PTPN2: variants seen among roughly 807,000 people sequenced by gnomAD.
PTPN2 encodes tyrosine-protein phosphatase non-receptor type 2.
In PTPN2, 19 loss-of-function variants were observed where a neutral mutation model predicts 57.3. The ratio of observed to expected loss-of-function variants is 0.33; its 90% CI spans 0.23 to 0.49. The LOEUF is 0.49. Among genes scored for constraint, PTPN2 ranks in the 20% least tolerant of loss-of-function variants. The pLI, the probability that PTPN2 is intolerant of heterozygous loss-of-function variation, is 0.99. For missense variants in PTPN2, 358 were observed against 501.1 expected, an observed-to-expected ratio of 0.71 and a Z score of 2.73; for synonymous variants, 153 against 164.9, an observed-to-expected ratio of 0.93 and a Z score of 0.55.
chr18:12,867,820 T>C (rs1423410991), intron 1 of PTPN2, among the ~76,000 whole-genome samples: 2 of 151,702 alleles, frequency 1.3e-5, no homozygotes, highest in Admixed American at 6.5e-5. Flanking sequence ...GTGTTATAAC[T>C]TTAAAAACTC....
intron 2 of PTPN2, chr18:12,840,763 G>GC: frequency 1.9e-6 from 3 of 1,598,460 alleles, no homozygotes; most frequent in Non-Finnish European, 2.5e-6. Context: ...TCCAGTTGGT[G>GC]CCTTTACCAT....
At chr18:12,840,210 T>C (rs573998547) in intron 2 of PTPN2, among the ~76,000 whole-genome samples, 47 of 152,300 alleles carry the variant, frequency 3.1e-4, no homozygotes, top group Non-Finnish European at 6.3e-4. Context: ...GGGTAATCAG[T>C]ACGTTTTCAA....
intron 2 of PTPN2, among the ~76,000 whole-genome samples, chr18:12,858,396 C>T (rs979778590): frequency 2.0e-5 from 3 of 152,102 alleles, no homozygotes; most frequent in South Asian, 2.1e-4. Context: ...ATAAAATCAC[C>T]GCATGATGAT....
At position 12,794,020 on chromosome 18, in the gene PTPN2, C is replaced by CA; in HGVS notation, c.*257dup. On this transcript the variant is annotated 3_prime_UTR_variant, in exon 9 of 9. Transcript: ENST00000309660. Reference sequence around the variant, plus strand: ...ATACTGTGTTTGACATGTATGAATACAGTTGCAAAATTTACCAGTTTTTAA... The same window carrying CA: ...ATACTGTGTTTGACATGTATGAATACAAGTTGCAAAATTTACCAGTTTTTAA... 1.5e-6 allele frequency: 2 copies of CA among 1,355,814 alleles called. No homozygotes were observed. Among genetic ancestry groups the CA allele is most frequent in the Non-Finnish European group, 1.9e-6 (2 of 1,055,234 alleles). The allele number at this position is 1,355,814 out of a possible 1,614,324, so 84.0% of individuals were successfully genotyped here.
rs376491684 is a variant in PTPN2, at chr18:12,802,705, CTG to C, written c.859-556_859-555del. ...CCTGTACACGCCAAGAAAGAACAGA[CTG>C]TAGAGAATGGGATAATATATTCAAA... On this transcript the variant is annotated intron_variant, in intron 7 of 8. Coordinates refer to ENST00000309660, the MANE Select transcript of PTPN2 (RefSeq NM_002828.4). Among the ~76,000 whole-genome samples the C allele has an allele frequency of 6.0e-4, 91 of 152,278 alleles. 1 individual carries two copies. In the East Asian group the frequency reaches 0.015, roughly 25 times the overall value.
intron 2 of PTPN2, among the ~76,000 whole-genome samples, chr18:12,847,942 A>G (rs1459824338): frequency 1.3e-5 from 2 of 152,044 alleles, no homozygotes; most frequent in African/African-American, 4.8e-5. Flanking sequence ...TGAAGATAGA[A>G]CTAAAGACCC....
Position 12,793,073 on chromosome 18 carries a change from T to C in PTPN2, c.*1205A>G. ...ATAAGGTATGCTATCCATAATAATG[T>C]ATGCTATCCATGCCTCCTAGCAATT... On this transcript the variant is annotated 3_prime_UTR_variant, in exon 9 of 9. Transcript: ENST00000309660. 1.0e-6 allele frequency: 1 copy of C among 985,292 alleles called. No individual in the cohort carries two copies. The highest frequency in any genetic ancestry group is 1.1e-4 in the East Asian group (1 of 8,822). 61.0% of individuals were successfully genotyped at this position (985,292 alleles called of 1,614,324 possible).
In PTPN2 at chr18:12,817,464, T is replaced by C. The variant is rs575346605; in HGVS notation, c.496-99A>G. 7 of 863,872 alleles carry C rather than the reference T, an allele frequency of 8.1e-6. No homozygotes were observed. The African/African-American group carries it at 1.0e-4, about 13-fold the overall frequency. 53.5% of individuals were successfully genotyped at this position (863,872 alleles called of 1,614,324 possible). A position where few individuals can be genotyped will look rare whatever the true frequency, so the allele number is the denominator to read the frequency against. On this transcript the variant is annotated intron_variant, in intron 5 of 8. Coordinates refer to ENST00000309660, the MANE Select transcript of PTPN2 (RefSeq NM_002828.4). ...TGTTTTATATAATTCTTTAAAGCCA[T>C]ATAGGCTGTTTATACTATGATTTTT...
At chr18:12,863,943 G>T (rs56792237) in intron 1 of PTPN2, 8 of 152,140 alleles carry the variant, frequency 5.3e-5, no homozygotes, top group Admixed American at 3.9e-4. Context: ...ATAGCACAAA[G>T]ATATCTTTCA....
intron 5 of PTPN2, chr18:12,818,944 C>G (rs897407488): frequency 3.8e-5 from 7 of 185,294 alleles, no homozygotes; most frequent in Admixed American, 3.7e-4. Flanking sequence ...AAATACAAAC[C>G]TTATCTGGGC....
At chr18:12,850,322 C>G (rs957213047) in intron 2 of PTPN2, among the ~76,000 whole-genome samples, 7 of 151,836 alleles carry the variant, frequency 4.6e-5, no homozygotes, top group Non-Finnish European at 5.9e-5. Context: ...GAAACTGTCT[C>G]TACTAAAAAA....
At chr18:12,859,525 C>T (rs2145476073) in intron 1 of PTPN2, among the ~76,000 whole-genome samples, 1 of 152,280 alleles carries the variant, frequency 6.6e-6, no homozygotes, top group South Asian at 2.1e-4. Flanking sequence ...AGCATTGAAC[C>T]AAGGTCCTTC....
Position 12,817,161 on chromosome 18 carries a change from C to T in PTPN2, c.700G>A (p.Val234Ile), listed in dbSNP as rs77573141. 2,302 of 1,612,216 alleles carry T rather than the reference C, an allele frequency of 1.4e-3. 21 individuals carry two copies. In the African/African-American group the frequency reaches 0.027, roughly 19 times the overall value. Residue 234 changes from valine (V) to isoleucine (I), a missense_variant, in exon 6 of 9, where the codon GTT (valine) becomes ATT (isoleucine). Transcript: ENST00000309660. ...GTFSLVDTCL[V>I]LMEKGDDINI... ...AGATCGTAAGAAGCACTTACCAAAACAAGACAAGTGTCTACCAGAGAGAAG... is the reference window on the plus strand; with the variant it reads ...AGATCGTAAGAAGCACTTACCAAAATAAGACAAGTGTCTACCAGAGAGAAG...
chr18:12,852,863 C>G (rs1486058512), intron 2 of PTPN2, among the ~76,000 whole-genome samples: 5 of 152,170 alleles, frequency 3.3e-5, no homozygotes, highest in Non-Finnish European at 7.4e-5. Context: ...AAAGAAAGAT[C>G]TGGGACTCTG....
intron 1 of PTPN2, among the ~76,000 whole-genome samples, chr18:12,871,644 T>C (rs553103148): frequency 6.6e-6 from 1 of 152,290 alleles, no homozygotes; most frequent in African/African-American, 2.4e-5. Context: ...CATTAAAAAA[T>C]CCTTTTTCAC....
intron 1 of PTPN2, among the ~76,000 whole-genome samples, chr18:12,869,442 T>C (rs1457946019): frequency 2.0e-5 from 3 of 152,264 alleles, no homozygotes; most frequent in South Asian, 4.1e-4. Context: ...ATCACAGGCG[T>C]GAGCCATGGC....
intron 1 of PTPN2, among the ~76,000 whole-genome samples, chr18:12,875,203 C>T (rs1404783689): frequency 6.6e-6 from 1 of 152,052 alleles, no homozygotes; most frequent in African/African-American, 2.4e-5. Flanking sequence ...CTAGGAAAAC[C>T]AGAGACCTTT....
chr18:12,871,405 ATTG>A (rs1489253374), intron 1 of PTPN2, among the ~76,000 whole-genome samples: 1 of 152,170 alleles, frequency 6.6e-6, no homozygotes, highest in South Asian at 2.1e-4. Context: ...ATAATTTGAA[ATTG>A]TTATTATTGT....
Position 12,869,452 on chromosome 18 carries a change from C to A in PTPN2, c.70-10198G>T, listed in dbSNP as rs569677877. 1.1e-3 allele frequency among the ~76,000 whole-genome samples: 172 copies of A among 152,324 alleles called. 1 individual carries two copies. Among genetic ancestry groups the A allele is most frequent in the Non-Finnish European group, 1.5e-3 (101 of 68,036 alleles). On this transcript the variant is annotated intron_variant, in intron 1 of 8. Coordinates refer to ENST00000309660, the MANE Select transcript of PTPN2 (RefSeq NM_002828.4). ...CTGGTATCACAGGCGTGAGCCATGG[C>A]GCCTGGTTTTGAAGTTTTTATTTTA...
Sources: allele counts gnomAD v4.1 joint callset (sites outside exome capture counted in the v4.1 genomes callset), GRCh38; gene constraint gnomAD v4.1.1; transcripts MANE v1.5; gene names NCBI Gene and HGNC (gene_info 2026-07-23, HGNC 2026-07-21).